The following STAM2 variants were observed in gnomAD, a reference collection of about 807,000 sequenced individuals.
STAM2 encodes signal transducing adapter molecule 2.
A neutral mutation model predicts 65.6 loss-of-function variants in STAM2; 51 were observed. The ratio of observed to expected loss-of-function variants is 0.78; its 90% CI spans 0.62 to 0.98. The LOEUF (loss-of-function observed/expected upper bound fraction) is 0.98, where lower values mean the gene tolerates loss of function less well. Ranked by LOEUF, STAM2 falls within the 50% of genes least tolerant of loss-of-function variation. STAM2 has a pLI of 0.00. For synonymous variants in STAM2, 198 were observed against 208.4 expected (o/e 0.95, Z 0.43); for missense variants, 584 against 617.8 (o/e 0.95, Z 0.58).
intron 1 of STAM2, among the ~76,000 whole-genome samples, chr2:152,163,680 T>C (rs1242875449): frequency 1.3e-5 from 2 of 152,174 alleles, no homozygotes; most frequent in East Asian, 1.9e-4. Context: ...AGGAGAGATA[T>C]TGCTAAATTC....
rs558779708 is a variant in STAM2 at position 152,158,349 on chromosome 2, G to A, written c.41-8120C>T. On this transcript the variant is annotated intron_variant, in intron 1 of 13. Transcript: ENST00000263904. ...AAATTAGCTGGGTGTGGTGGTGGGC[G>A]TCTATAGTCCCAGCTACTCAGGAGG... Among the ~76,000 whole-genome samples, 7 of 152,132 alleles carry A rather than the reference G, an allele frequency of 4.6e-5. No homozygotes were observed. In the East Asian group the frequency reaches 5.8e-4, roughly 13 times the overall value.
intron 1 of STAM2, among the ~76,000 whole-genome samples, chr2:152,165,903 C>T (rs533188714): frequency 2.8e-4 from 43 of 152,266 alleles, no homozygotes; most frequent in African/African-American, 9.9e-4. Flanking sequence ...AGTAAATGCA[C>T]ATTAAAACTA....
intron 7 of STAM2, among the ~76,000 whole-genome samples, chr2:152,136,663 A>G (rs1392564112): frequency 6.6e-6 from 1 of 152,000 alleles, no homozygotes; most frequent in Non-Finnish European, 1.5e-5. Context: ...TTAATTTTAT[A>G]TATTAATACT....
At chr2:152,139,874 AT>A (rs1689214528) in intron 7 of STAM2, among the ~76,000 whole-genome samples, 1 of 152,188 alleles carries the variant, frequency 6.6e-6, no homozygotes, top group Admixed American at 6.5e-5. Flanking sequence ...AATATATTGT[AT>A]TTAAAAATAC....
chr2:152,174,599 T>C (rs2345639), intron 1 of STAM2, among the ~76,000 whole-genome samples: 56,090 of 152,104 alleles, frequency 0.37, 12,633 homozygotes, highest in Non-Finnish European at 0.51. Flanking sequence ...ACAGGGGAAT[T>C]ACTGCTGAGA....
At chr2:152,142,917 A>G (rs75401995) in intron 7 of STAM2, among the ~76,000 whole-genome samples, 1 of 152,348 alleles carries the variant, frequency 6.6e-6, no homozygotes, top group African/African-American at 2.4e-5. Context: ...CACACCTGAA[A>G]TGGAGCCGCA....
In STAM2 at chr2:152,147,457, T is replaced by A. The variant is rs1036840635; in HGVS notation, c.301-149A>T. On this transcript the variant is annotated intron_variant, in intron 4 of 13. Transcript: ENST00000263904. ...GAAATTTCTAGCCTAGTTGAGTAAT[T>A]GATAGATGCCTATTTACATGTTGTG... The A allele has an allele frequency of 1.0e-5, 7 of 686,468 alleles. No homozygotes were observed. The Admixed American group carries it at 1.1e-4, about 10-fold the overall frequency. The allele number at this position is 686,468 out of a possible 1,614,324, so 42.5% of individuals were successfully genotyped here. A position where few individuals can be genotyped will look rare whatever the true frequency, so the allele number is the denominator to read the frequency against.
At position 152,120,408 on chromosome 2, in the gene STAM2, A is replaced by C. The variant is rs1688829467; in HGVS notation, c.*166T>G. 5 of 576,318 alleles carry C rather than the reference A, an allele frequency of 8.7e-6. No homozygotes were observed. The highest frequency in any genetic ancestry group is 5.0e-5 in the South Asian group (2 of 39,788). The allele number at this position is 576,318 out of a possible 1,614,324, so 35.7% of individuals were successfully genotyped here. The stretch of plus-strand genomic sequence containing the variant: ...ACAAACTGGACTGAAAAAAAAAAAA[A>C]AAAAAAACCTTTTATGGCCTTGTAG... On this transcript the variant is annotated 3_prime_UTR_variant, in exon 14 of 14. Coordinates refer to ENST00000263904, the MANE Select transcript of STAM2 (RefSeq NM_005843.6).
chr2:152,160,607 G>T (rs1231344540), intron 1 of STAM2, among the ~76,000 whole-genome samples: 1 of 151,486 alleles, frequency 6.6e-6, no homozygotes, highest in Non-Finnish European at 1.5e-5. Context: ...GGGAGGTGGG[G>T]GGTCAGCCCC....
At chr2:152,157,133 C>A (rs1689570041) in intron 1 of STAM2, among the ~76,000 whole-genome samples, 1 of 152,162 alleles carries the variant, frequency 6.6e-6, no homozygotes. Flanking sequence ...TAGAGAAGGA[C>A]TAGCCCAAGA....
intron 11 of STAM2, among the ~76,000 whole-genome samples, chr2:152,129,136 T>A (rs1689014863): frequency 6.6e-6 from 1 of 152,146 alleles, no homozygotes; most frequent in African/African-American, 2.4e-5. Flanking sequence ...AATATCAGAA[T>A]GGTCACTTTG....
At chr2:152,159,110 T>TATATATATACAC (rs575009275) in intron 1 of STAM2, among the ~76,000 whole-genome samples, 1 of 129,234 alleles carries the variant, frequency 7.7e-6, no homozygotes, top group Non-Finnish European at 1.6e-5. Context: ...TATATATATA[T>TATATATATACAC]ACACACACAG....
intron 7 of STAM2, 97 bp downstream of exon 7, chr2:152,143,730 A>G: frequency 1.0e-6 from 1 of 959,330 alleles, no homozygotes; most frequent in Non-Finnish European, 1.5e-6. Flanking sequence ...TGGTTCTATT[A>G]TGATTTAAAT....
chr2:152,144,437 G>C (rs1367419986), intron 6 of STAM2, among the ~76,000 whole-genome samples: 2 of 152,062 alleles, frequency 1.3e-5, no homozygotes, highest in Non-Finnish European at 2.9e-5. Flanking sequence ...CATGTCATTT[G>C]TTTTCCTTAC....
chr2:152,139,776 A>C (rs1488567617), intron 7 of STAM2, among the ~76,000 whole-genome samples: 1 of 152,204 alleles, frequency 6.6e-6, no homozygotes, highest in Non-Finnish European at 1.5e-5. Context: ...CAAGTGCTAC[A>C]TCCATGGACT....
rs1266373698 is a variant in STAM2 at position 152,143,827 on chromosome 2, C to A, written c.704G>T (p.Ser235Ile). 2 of 1,606,024 alleles carry A rather than the reference C, an allele frequency of 1.2e-6. No individual in the cohort carries two copies. Among genetic ancestry groups the A allele is most frequent in the Non-Finnish European group, 1.7e-6 (2 of 1,176,154 alleles). ...CTTCCCATAAAGATTTAAAACTTAC[C>A]TGTCATCCAAAACAATAATTATTTC... is the stretch of plus-strand genomic sequence containing the variant. ...HGEIIIVLDDSDANWWKGENH... is the reference protein window; with the variant it reads ...HGEIIIVLDDIDANWWKGENH... The change falls in exon 7 of 14, where the codon AGT (serine) becomes ATT (isoleucine). Residue 235 changes from serine (S) to isoleucine (I), a missense_variant and splice_region_variant. Ser to Ile is a moderately radical substitution (Grantham distance 142). Transcript: ENST00000263904.
At chr2:152,137,998 A>AT (rs1689186636) in intron 7 of STAM2, among the ~76,000 whole-genome samples, 1 of 152,102 alleles carries the variant, frequency 6.6e-6, no homozygotes, top group Non-Finnish European at 1.5e-5. Context: ...ATGTACCTTA[A>AT]TATCTGCCAG....
At chr2:152,122,057 AATAT>A (rs59011840) in intron 13 of STAM2, among the ~76,000 whole-genome samples, 13,823 of 131,498 alleles carry the variant, frequency 0.11, 1,266 homozygotes, top group East Asian at 0.56. Flanking sequence ...CCAAAAAAAA[AATAT>A]ATATATATAT....
chr2:152,150,288 C>T, intron 1 of STAM2, 59 bp from the exon 2 acceptor site: 1 of 1,091,024 alleles, frequency 9.2e-7, no homozygotes. Flanking sequence ...CACTAAAATA[C>T]CAGTAAAGGT....
Sources: allele counts gnomAD v4.1 joint callset (sites outside exome capture counted in the v4.1 genomes callset), GRCh38; gene constraint gnomAD v4.1.1; transcripts MANE v1.5; gene names NCBI Gene and HGNC (gene_info 2026-07-23, HGNC 2026-07-21).